Variants in KCNQ5 observed in about 807,000 individuals in gnomAD.
The protein encoded by KCNQ5 is potassium voltage-gated channel subfamily Q member 5, also known as potassium voltage-gated channel subfamily KQT member 5.
KCNQ5 carries 30 observed loss-of-function variants against 98.2 expected under a neutral mutation model. The ratio of observed to expected loss-of-function variants is 0.31; its 90% CI spans 0.23 to 0.41. The LOEUF is 0.41. Among genes scored for constraint, KCNQ5 ranks in the 10% least tolerant of loss-of-function variants. The pLI, the probability that KCNQ5 is intolerant of heterozygous loss-of-function variation, is 1.00. For missense variants in KCNQ5, 835 were observed against 1,182.5 expected (o/e 0.71, Z 4.31); for synonymous variants, 458 against 449.4 (o/e 1.02, Z -0.24).
At chr6:72,976,674 A>G (rs2150291229) in intron 1 of KCNQ5, among the ~76,000 whole-genome samples, 1 of 152,362 alleles carries the variant, frequency 6.6e-6, no homozygotes, top group South Asian at 2.1e-4. Context: ...CATTTTAATG[A>G]TGACTTGGAA....
At chr6:72,790,388 T>C (rs1582295336) in intron 1 of KCNQ5, among the ~76,000 whole-genome samples, 1 of 152,036 alleles carries the variant, frequency 6.6e-6, no homozygotes, top group Non-Finnish European at 1.5e-5. Context: ...TATAGAAAAA[T>C]AGCCAGGCAC....
chr6:73,177,938 C>T (rs1778274586), intron 11 of KCNQ5, among the ~76,000 whole-genome samples: 1 of 152,182 alleles, frequency 6.6e-6, no homozygotes, highest in Non-Finnish European at 1.5e-5. Context: ...ACTGAAGATG[C>T]ACTTACTTTG....
chr6:72,745,319 T>C (rs1163548696), intron 1 of KCNQ5, among the ~76,000 whole-genome samples: 2 of 152,232 alleles, frequency 1.3e-5, no homozygotes, highest in African/African-American at 4.8e-5. Flanking sequence ...TGAATTGGGT[T>C]CGCCAGGTTT....
chr6:72,644,772 C>G (rs1765502406), intron 1 of KCNQ5, among the ~76,000 whole-genome samples: 1 of 152,116 alleles, frequency 6.6e-6, no homozygotes, highest in Non-Finnish European at 1.5e-5. Context: ...CCTTCTTATT[C>G]TCTGTCTCCT....
chr6:72,744,345 G>C (rs1771271775), intron 1 of KCNQ5, among the ~76,000 whole-genome samples: 2 of 152,202 alleles, frequency 1.3e-5, no homozygotes, highest in Non-Finnish European at 2.9e-5. Flanking sequence ...GGACTGTTAT[G>C]TAACTTTCTA....
intron 1 of KCNQ5, among the ~76,000 whole-genome samples, chr6:72,776,562 T>C (rs1044768335): frequency 2.6e-5 from 4 of 152,222 alleles, no homozygotes; most frequent in Non-Finnish European, 4.4e-5. Flanking sequence ...ACAAGCATCA[T>C]AGAATGTTGG....
chr6:72,804,333 C>T (rs1774838966), intron 1 of KCNQ5, among the ~76,000 whole-genome samples: 1 of 151,940 alleles, frequency 6.6e-6, no homozygotes, highest in South Asian at 2.1e-4. Flanking sequence ...ACTGCCCTTC[C>T]CTAGTCTCTA....
At chr6:72,905,422 G>A (rs1779661359) in intron 1 of KCNQ5, among the ~76,000 whole-genome samples, 1 of 152,098 alleles carries the variant, frequency 6.6e-6, no homozygotes, top group Non-Finnish European at 1.5e-5. Flanking sequence ...GTGAGCTAGT[G>A]TGATTTTGCG....
chr6:73,077,970 T>C (rs994721187), intron 5 of KCNQ5, 83 bp downstream of exon 5: 2 of 1,120,912 alleles, frequency 1.8e-6, no homozygotes, highest in African/African-American at 3.2e-5. Flanking sequence ...CTATGGATGG[T>C]TTCAATAAAA....
At chr6:72,805,125 C>T (rs1774883167) in intron 1 of KCNQ5, among the ~76,000 whole-genome samples, 2 of 152,068 alleles carry the variant, frequency 1.3e-5, no homozygotes, top group Admixed American at 1.3e-4. Flanking sequence ...TGTCTCTTCA[C>T]TTTGTTGATT....
At chr6:73,096,360 G>A (rs58445745) in intron 5 of KCNQ5, among the ~76,000 whole-genome samples, 1 of 141,836 alleles carries the variant, frequency 7.1e-6, no homozygotes, top group Non-Finnish European at 1.5e-5. Flanking sequence ...AAAAGAGCTT[G>A]GTGTGCTGAT....
intron 1 of KCNQ5, among the ~76,000 whole-genome samples, chr6:72,787,845 C>T (rs1231493232): frequency 6.6e-6 from 1 of 152,200 alleles, no homozygotes. Flanking sequence ...GTTAATCCTG[C>T]CTTATCAGCC....
At chr6:73,071,717 A>G (rs1380502158) in intron 3 of KCNQ5, among the ~76,000 whole-genome samples, 1 of 152,124 alleles carries the variant, frequency 6.6e-6, no homozygotes, top group African/African-American at 2.4e-5. Flanking sequence ...ACAGAGCCAG[A>G]ACTCAGTCAT....
intron 2 of KCNQ5, among the ~76,000 whole-genome samples, chr6:73,023,830 T>C (rs1044266206): frequency 3.3e-5 from 5 of 152,180 alleles, no homozygotes; most frequent in Admixed American, 2.6e-4. Flanking sequence ...TTATTGATAT[T>C]AATTATTTTA....
chr6:73,162,311 T>C (rs941531124), intron 10 of KCNQ5, among the ~76,000 whole-genome samples: 1 of 152,168 alleles, frequency 6.6e-6, no homozygotes, highest in Admixed American at 6.5e-5. Flanking sequence ...CAGGAAAGGC[T>C]TGGGGAAGAT....
In KCNQ5 at chr6:72,837,948, T is replaced by G. The variant is rs536098486; in HGVS notation, c.399-165960T>G. Among the ~76,000 whole-genome samples, 48 of 152,230 alleles carry G rather than the reference T, an allele frequency of 3.2e-4. 2 individuals are homozygous for G. In the South Asian group the frequency reaches 8.1e-3, roughly 26 times the overall value. On this transcript the variant is annotated intron_variant, in intron 1 of 13. Transcript: ENST00000370398. ...ACCAAGTTATTTTTTTTTTGGATTC[T>G]TCATCCTTTTTTTTATTATTATACT...
chr6:72,640,342 A>T (rs1013738162), intron 1 of KCNQ5, among the ~76,000 whole-genome samples: 2 of 135,692 alleles, frequency 1.5e-5, no homozygotes, highest in Non-Finnish European at 3.3e-5. Flanking sequence ...GGCAAAAAAA[A>T]AAAAAGTAAT....
intron 3 of KCNQ5, among the ~76,000 whole-genome samples, chr6:73,044,098 A>G (rs566630895): frequency 6.6e-6 from 1 of 152,156 alleles, no homozygotes; most frequent in East Asian, 1.9e-4. Flanking sequence ...CCAGCCTGGG[A>G]TGGAAAGACC....
chr6:73,027,511 A>G (rs573493918), intron 2 of KCNQ5, among the ~76,000 whole-genome samples: 40 of 152,348 alleles, frequency 2.6e-4, no homozygotes, highest in African/African-American at 9.4e-4. Flanking sequence ...CTTTGAGTCG[A>G]TACTTAGAGA....
Sources: allele counts gnomAD v4.1 joint callset (sites outside exome capture counted in the v4.1 genomes callset), GRCh38; gene constraint gnomAD v4.1.1; transcripts MANE v1.5; gene names NCBI Gene and HGNC (gene_info 2026-07-23, HGNC 2026-07-21).